Variants in TF observed in about 807,000 individuals in gnomAD.
The protein encoded by TF is serotransferrin.
Under a neutral mutation model 82.4 loss-of-function variants are expected in TF, and 55 were observed. The ratio of observed to expected loss-of-function variants is 0.67; its 90% CI spans 0.54 to 0.84. TF has a LOEUF of 0.84. TF is among the 40% of genes least tolerant of loss of function. The pLI, the probability that TF is intolerant of heterozygous loss-of-function variation, is 0.00. For missense variants in TF, 737 were observed against 868.4 expected, an observed-to-expected ratio of 0.85 and a Z score of 1.90; for synonymous variants, 332 against 332.6, an observed-to-expected ratio of 1.00 and a Z score of 0.02.
chr3:133,715,454 C>G, the TF span, among the ~76,000 whole-genome samples: 1 of 152,174 alleles, frequency 6.6e-6, no homozygotes, highest in African/African-American at 2.4e-5. Flanking sequence ...CCTGGCAGTT[C>G]TCCCTTTTTC....
At chr3:133,722,590 A>G in the TF span, among the ~76,000 whole-genome samples, 1 of 152,076 alleles carries the variant, frequency 6.6e-6, no homozygotes, top group African/African-American at 2.4e-5. Flanking sequence ...TGTGGTTACC[A>G]TGGGGCTAAT....
the TF span, among the ~76,000 whole-genome samples, chr3:133,719,368 ATAAG>A: frequency 6.6e-6 from 1 of 152,200 alleles, no homozygotes; most frequent in Admixed American, 6.5e-5. Context: ...CATAGTAGAA[ATAAG>A]TAAGCAGTTT....
the TF span, among the ~76,000 whole-genome samples, chr3:133,683,361 C>A: frequency 1.4e-3 from 217 of 152,254 alleles, no homozygotes; most frequent in African/African-American, 4.7e-3. Context: ...CAATATGAAC[C>A]TTAAATGTAA....
At chr3:133,759,374 G>A in intron 9 of TF, 45 bp downstream of exon 9, 1 of 1,608,992 alleles carries the variant, frequency 6.2e-7, no homozygotes, top group South Asian at 1.1e-5. Context: ...TGTCATTGCT[G>A]CCTGCTGGCC....
In TF at chr3:133,775,506, G is replaced by A. The variant is rs1467911192; in HGVS notation, c.1761G>A (p.Arg587=). 3 of 1,614,044 alleles carry A rather than the reference G, an allele frequency of 1.9e-6. No homozygotes were observed. Among genetic ancestry groups the A allele is most frequent in the Non-Finnish European group, 1.7e-6 (2 of 1,180,040 alleles). Residue 587 remains arginine (R), a synonymous_variant, in exon 15 of 17, where the codon AGG becomes AGA. Coordinates refer to ENST00000402696, the MANE Select transcript of TF (RefSeq NM_001063.4). ...AGTTGCTGTGCCTTGATGGTACCAG[G>A]AAACCTGTGGAGGAGTATGCGAACT... ...DYELLCLDGT[R]KPVEEYANCH...
chr3:133,770,667 A>T (rs765354126), intron 14 of TF, 95 bp downstream of exon 14: 5 of 1,229,308 alleles, frequency 4.1e-6, no homozygotes, highest in Non-Finnish European at 6.0e-6. Context: ...AGTATTATGT[A>T]CACTGTCAGA....
rs558467780 is a variant in TF at position 133,792,124 on chromosome 3, T to C, written c.*13504T>C. 12 of 152,340 alleles carry C rather than the reference T, an allele frequency of 7.9e-5. No individual in the cohort carries two copies. The highest frequency in any genetic ancestry group is 2.9e-4 in the African/African-American group (12 of 41,586). The allele number at this position is 152,340 out of a possible 1,614,324, so 9.4% of individuals were successfully genotyped here. A position where few individuals can be genotyped will look rare whatever the true frequency, so the allele number is the denominator to read the frequency against. Reference sequence around the variant, plus strand: ...CTTTTAAAAATTGCTCAATTTATTTTGGAGCATTAGATTCTAGATAAGGCC... The same window carrying C: ...CTTTTAAAAATTGCTCAATTTATTTCGGAGCATTAGATTCTAGATAAGGCC... On this transcript the variant is annotated 3_prime_UTR_variant, in exon 17 of 17. Coordinates refer to ENST00000402696, the MANE Select transcript of TF (RefSeq NM_001063.4).
chr3:133,681,649 G>A, the TF span, among the ~76,000 whole-genome samples: 1 of 152,184 alleles, frequency 6.6e-6, no homozygotes, highest in African/African-American at 2.4e-5. Flanking sequence ...AGTGAGGCTG[G>A]GGGAGGGGCG....
At chr3:133,693,981 T>C in the TF span, among the ~76,000 whole-genome samples, 1 of 152,096 alleles carries the variant, frequency 6.6e-6, no homozygotes, top group Non-Finnish European at 1.5e-5. Context: ...ACCCCATCAG[T>C]GTGATGCCTA....
Position 133,764,871 on chromosome 3 carries a change from G to A in TF, c.1298-4G>A, listed in dbSNP as rs1248498155. On this transcript the variant is annotated splice_region_variant and splice_polypyrimidine_tract_variant and intron_variant, in intron 10 of 16. Transcript: ENST00000402696. ...TGCCTTTTTCATTTTCTTTTCTCCTGCAGAGAGCGATAATTGTGAGGATAC... is the reference window on the plus strand; with the variant it reads ...TGCCTTTTTCATTTTCTTTTCTCCTACAGAGAGCGATAATTGTGAGGATAC... The A allele has an allele frequency of 6.2e-7, 1 of 1,613,882 alleles. No homozygotes were observed. Among genetic ancestry groups the A allele is most frequent in the Non-Finnish European group, 8.5e-7 (1 of 1,179,838 alleles).
chr3:133,675,196 G>C, the TF span, among the ~76,000 whole-genome samples: 10 of 127,106 alleles, frequency 7.9e-5, no homozygotes, highest in African/African-American at 3.1e-4. Flanking sequence ...AGTGAGCCGA[G>C]ATCACGCCAC....
Position 133,796,323 on chromosome 3 carries a change from C to T in TF, c.*17703C>T, listed in dbSNP as rs983578838. On this transcript the variant is annotated 3_prime_UTR_variant, in exon 17 of 17. Transcript: ENST00000402696. ...GTTACAAAAGAAAGACCATCGGCCC[C>T]TCCACCTCCCATAAAGATTTATGGG... The T allele has an allele frequency of 1.3e-5, 2 of 152,302 alleles. No homozygotes were observed. Among genetic ancestry groups the T allele is most frequent in the Non-Finnish European group, 2.9e-5 (2 of 68,128 alleles). The allele number at this position is 152,302 out of a possible 1,614,324, so 9.4% of individuals were successfully genotyped here.
At chr3:133,714,290 G>A in the TF span, among the ~76,000 whole-genome samples, 2 of 152,166 alleles carry the variant, frequency 1.3e-5, no homozygotes, top group African/African-American at 4.8e-5. Flanking sequence ...GGCAGTGCTG[G>A]ACCTTTGAGG....
chr3:133,725,469 G>A, the TF span, among the ~76,000 whole-genome samples: 6 of 152,070 alleles, frequency 3.9e-5, no homozygotes, highest in African/African-American at 9.7e-5. Flanking sequence ...TCTGTTATTG[G>A]TGTATAAGAA....
At chr3:133,777,531 A>T (rs998032850) in intron 16 of TF, 1 of 341,300 alleles carries the variant, frequency 2.9e-6, no homozygotes, top group South Asian at 4.6e-5. Context: ...ATTGCTCTGC[A>T]GTAAACTTTT....
At chr3:133,771,751 A>AAAAAAAAAAAAAAAAAAAAC (rs1934265344) in intron 14 of TF, among the ~76,000 whole-genome samples, 1 of 148,944 alleles carries the variant, frequency 6.7e-6, no homozygotes, top group African/African-American at 2.5e-5. Flanking sequence ...CTCAAAAAAA[A>AAAAAAAAAAAAAAAAAAAAC]AAAAAAAAAA....
chr3:133,698,054 T>C, the TF span, among the ~76,000 whole-genome samples: 1 of 152,254 alleles, frequency 6.6e-6, no homozygotes, highest in Non-Finnish European at 1.5e-5. Flanking sequence ...CATGGGCCAG[T>C]CCTTCATAGG....
the TF span, among the ~76,000 whole-genome samples, chr3:133,727,075 C>G: frequency 6.6e-6 from 1 of 152,034 alleles, no homozygotes; most frequent in African/African-American, 2.4e-5. Flanking sequence ...TTACTTGCAA[C>G]TATGTGGTCA....
chr3:133,699,353 A>G, the TF span: 1 of 645,596 alleles, frequency 1.5e-6, no homozygotes, highest in African/African-American at 1.9e-5. Context: ...TCTTCAGGCC[A>G]CATATTTGAT....
Sources: allele counts gnomAD v4.1 joint callset (sites outside exome capture counted in the v4.1 genomes callset), GRCh38; gene constraint gnomAD v4.1.1; transcripts MANE v1.5; gene names NCBI Gene and HGNC (gene_info 2026-07-23, HGNC 2026-07-21).